RNF150: variants seen among roughly 807,000 people sequenced by gnomAD.
RNF150 encodes the protein ring finger protein 150.
A neutral mutation model predicts 39.3 loss-of-function variants in RNF150; 24 were observed. That is an observed-to-expected ratio of 0.61 (90% confidence interval 0.44 to 0.86). RNF150 has a LOEUF of 0.86. Among genes scored for constraint, RNF150 ranks in the 40% least tolerant of loss-of-function variants. RNF150 has a pLI of 0.00. For missense variants in RNF150, 502 were observed against 587.8 expected (o/e 0.85, Z 1.51); for synonymous variants, 255 against 227.3 (o/e 1.12, Z -1.10).
chr4:140,967,157 G>C (rs1733273488), intron 2 of RNF150, among the ~76,000 whole-genome samples: 1 of 152,122 alleles, frequency 6.6e-6, no homozygotes, highest in South Asian at 2.1e-4. Context: ...GGGTAGCTGA[G>C]AGACACACAT....
At chr4:141,019,818 T>C (rs1431062805) in intron 1 of RNF150, among the ~76,000 whole-genome samples, 3 of 152,312 alleles carry the variant, frequency 2.0e-5, no homozygotes, top group South Asian at 2.1e-4. Context: ...ACCTCTCAAA[T>C]TGACAGAGAA....
chr4:140,969,756 C>CTTTTTTT (rs70946718), intron 1 of RNF150, among the ~76,000 whole-genome samples: 11 of 75,966 alleles, frequency 1.4e-4, no homozygotes, highest in Admixed American at 4.1e-4. Flanking sequence ...ACAAGTTTTA[C>CTTTTTTT]TTTTTTTTTT....
intron 1 of RNF150, among the ~76,000 whole-genome samples, chr4:141,139,630 G>T (rs909255641): frequency 4.6e-5 from 7 of 152,148 alleles, no homozygotes; most frequent in Non-Finnish European, 8.8e-5. Flanking sequence ...TAGTAATGAA[G>T]AGCTGCAGTT....
intron 1 of RNF150, among the ~76,000 whole-genome samples, chr4:141,123,602 A>G (rs4123363): frequency 0.78 from 117,948 of 152,118 alleles, 46,020 homozygotes; most frequent in East Asian, 1. Flanking sequence ...TGCACAACGT[A>G]CAGGTTTGTT....
chr4:140,905,881 G>A (rs944923356), intron 6 of RNF150, among the ~76,000 whole-genome samples: 14 of 152,142 alleles, frequency 9.2e-5, no homozygotes, highest in Non-Finnish European at 1.9e-4. Context: ...TGTCCTAGAG[G>A]TGAATGGGGT....
intron 5 of RNF150, among the ~76,000 whole-genome samples, chr4:140,915,762 T>A (rs1336294104): frequency 6.6e-6 from 1 of 152,202 alleles, no homozygotes; most frequent in South Asian, 2.1e-4. Context: ...AGTGGGTCCC[T>A]GACCCCCGAG....
At chr4:141,156,611 A>G (rs1370971574) in intron 1 of RNF150, among the ~76,000 whole-genome samples, 1 of 151,826 alleles carries the variant, frequency 6.6e-6, no homozygotes, top group Non-Finnish European at 1.5e-5. Context: ...ATATTTGTGC[A>G]GGCCAGGCAC....
In RNF150 at chr4:140,867,138, C is replaced by T. The variant is rs1321301710; in HGVS notation, c.*1123G>A. 1 of 152,194 alleles carries T rather than the reference C, an allele frequency of 6.6e-6. No individual in the cohort carries two copies. Among genetic ancestry groups the T allele is most frequent in the East Asian group, 1.9e-4 (1 of 5,194 alleles). 9.4% of individuals were successfully genotyped at this position (152,194 alleles called of 1,614,324 possible). A position where few individuals can be genotyped will look rare whatever the true frequency, so the allele number is the denominator to read the frequency against. On this transcript the variant is annotated 3_prime_UTR_variant, in exon 7 of 7. Coordinates refer to ENST00000515673, the MANE Select transcript of RNF150 (RefSeq NM_020724.2). Reference sequence around the variant, plus strand: ...CCTGGGAAGCAATCTGCTAGGGATTCACCTAAATCCTCCCACATGGTCTGG... The same window carrying T: ...CCTGGGAAGCAATCTGCTAGGGATTTACCTAAATCCTCCCACATGGTCTGG...
At chr4:141,014,546 G>A (rs774886125) in intron 1 of RNF150, among the ~76,000 whole-genome samples, 2 of 152,174 alleles carry the variant, frequency 1.3e-5, no homozygotes, top group African/African-American at 2.4e-5. Flanking sequence ...CAGGTGTGAG[G>A]TAATACCTCA....
intron 6 of RNF150, among the ~76,000 whole-genome samples, chr4:140,910,302 TA>T (rs1465192930): frequency 6.6e-6 from 1 of 152,210 alleles, no homozygotes; most frequent in Non-Finnish European, 1.5e-5. Flanking sequence ...ACACTTCGTA[TA>T]AAAGTTGCAA....
rs1728667795 is a variant in RNF150 at position 140,865,533 on chromosome 4, T to G, written c.*2728A>C. The stretch of plus-strand genomic sequence containing the variant: ...CCTTTCTTCTGAAAGAGAAACTTTC[T>G]GGTTAAGCTTTTTTTTTTTCTTTTT... On this transcript the variant is annotated 3_prime_UTR_variant, in exon 7 of 7. Coordinates refer to ENST00000515673, the MANE Select transcript of RNF150 (RefSeq NM_020724.2). 6.6e-6 allele frequency: 1 copy of G among 151,520 alleles called. No individual in the cohort carries two copies. The highest frequency in any genetic ancestry group is 6.6e-5 in the Admixed American group (1 of 15,098). 9.4% of individuals were successfully genotyped at this position (151,520 alleles called of 1,614,324 possible).
chr4:141,002,773 T>C (rs936645404), intron 1 of RNF150, among the ~76,000 whole-genome samples: 18 of 152,160 alleles, frequency 1.2e-4, no homozygotes, highest in Admixed American at 1.1e-3. Context: ...CCTGTGTTCT[T>C]GTTCTAGCTT....
chr4:140,942,801 T>C (rs1732141521), intron 4 of RNF150, among the ~76,000 whole-genome samples: 1 of 152,180 alleles, frequency 6.6e-6, no homozygotes, highest in Non-Finnish European at 1.5e-5. Context: ...AACTAGTAAT[T>C]TGTTTATGAG....
Position 140,860,955 on chromosome 4 carries a change from T to C in RNF150, c.*7306A>G, listed in dbSNP as rs997145793. The C allele has an allele frequency of 4.6e-5, 7 of 152,060 alleles. No homozygotes were observed. 9.4% of individuals were successfully genotyped at this position (152,060 alleles called of 1,614,324 possible). ...TTAAAGAACAATACCCATTTTTTTT[T>C]CCAGAAAATGGATGGAATGTAACTT... On this transcript the variant is annotated 3_prime_UTR_variant, in exon 7 of 7. Transcript: ENST00000515673.
At chr4:141,060,722 A>G (rs938464931) in intron 1 of RNF150, among the ~76,000 whole-genome samples, 1 of 152,236 alleles carries the variant, frequency 6.6e-6, no homozygotes, top group Non-Finnish European at 1.5e-5. Context: ...CCACAATAGC[A>G]AAGACCTGGA....
chr4:141,042,193 C>G (rs1005527548), intron 1 of RNF150, among the ~76,000 whole-genome samples: 1 of 152,024 alleles, frequency 6.6e-6, no homozygotes, highest in Admixed American at 6.6e-5. Flanking sequence ...GAATCAGATT[C>G]AATTTACTTA....
At chr4:141,207,832 C>G (rs1406158366) in intron 1 of RNF150, among the ~76,000 whole-genome samples, 1 of 152,188 alleles carries the variant, frequency 6.6e-6, no homozygotes, top group African/African-American at 2.4e-5. Flanking sequence ...TTAAAACATA[C>G]TTGGGGTAGC....
chr4:140,990,883 T>C (rs1272650325), intron 1 of RNF150, among the ~76,000 whole-genome samples: 2 of 152,204 alleles, frequency 1.3e-5, no homozygotes, highest in African/African-American at 2.4e-5. Flanking sequence ...AGGGTATTTC[T>C]GGTTCTAGAC....
intron 5 of RNF150, 94 bp from the exon 6 acceptor site, chr4:140,911,448 T>G: frequency 9.5e-7 from 1 of 1,048,322 alleles, no homozygotes. Flanking sequence ...ATGAAAAAAT[T>G]AAGTTCTTTA....
Sources: gnomAD v4.1 joint callset for allele counts (sites outside exome capture counted in the v4.1 genomes callset) on GRCh38, gnomAD v4.1.1 for gene constraint, MANE v1.5 for transcripts, NCBI Gene and HGNC (gene_info 2026-07-23, HGNC 2026-07-21) for gene names.